CES1: variants seen among roughly 807,000 people sequenced by gnomAD.
CES1 encodes carboxylesterase 1, also known as liver carboxylesterase 1.
In CES1, 50 loss-of-function variants were observed where a neutral mutation model predicts 53.0. That is an observed-to-expected ratio of 0.94 (90% CI 0.75 to 1.19). CES1 has a LOEUF of 1.19. CES1 is among the 50% of genes most tolerant of loss of function. The pLI is 0.00. For synonymous variants in CES1, 202 were observed against 210.1 expected (o/e 0.96, Z 0.33); for missense variants, 534 against 538.0 (o/e 0.99, Z 0.07).
rs1454708070 is a variant in CES1, at chr16:55,830,819, A to AAGGAAGGCAGGC, written c.53-1846_53-1845insGCCTGCCTTCCT. Among the ~76,000 whole-genome samples the AAGGAAGGCAGGC allele has an allele frequency of 5.0e-3, 630 of 127,162 alleles. 2 individuals are homozygous for AAGGAAGGCAGGC. The highest frequency in any genetic ancestry group is 0.013 in the East Asian group (55 of 4,196). 83.4% of individuals were successfully genotyped at this position (127,162 alleles called of 152,430 possible). ...GAAGGAAGGAAGGAAGGAAGGAAGG[A>AAGGAAGGCAGGC]AGGCAGGCAGGCAGGCAGGCAGGCA... is the stretch of plus-strand genomic sequence containing the variant. On this transcript the variant is annotated intron_variant, in intron 1 of 13. Coordinates refer to ENST00000360526, the MANE Select transcript of CES1 (RefSeq NM_001025195.2).
chr16:55,811,092 T>A, intron 9 of CES1, 82 bp from the exon 10 acceptor site: 1 of 1,174,314 alleles, frequency 8.5e-7, no homozygotes, highest in Non-Finnish European at 1.3e-6. Flanking sequence ...ACCAAACCAA[T>A]GCAGTCTGAA....
rs1471364665 is a variant in CES1, at chr16:55,812,465, T to G, written c.1086+438A>C. The G allele has an allele frequency of 3.6e-5, 9 of 252,480 alleles. No homozygotes were observed. The East Asian group carries it at 7.8e-4, about 22-fold the overall frequency. The allele number at this position is 252,480 out of a possible 1,614,324, so 15.6% of individuals were successfully genotyped here. On this transcript the variant is annotated intron_variant, in intron 9 of 13. Transcript: ENST00000360526. ...AATGGTAACTCAAGAAGAAGCCACT[T>G]TCTTTGGATATTTTCAATGAGGTGA...
intron 9 of CES1, 80 bp downstream of exon 9, chr16:55,812,823 G>A: frequency 6.3e-7 from 1 of 1,587,550 alleles, no homozygotes; most frequent in Admixed American, 1.7e-5. Context: ...GCAGCTCGGA[G>A]AGGGAAGCAT....
chr16:55,820,283 C>G (rs550484529), intron 6 of CES1, 89 bp downstream of exon 6: 3 of 843,956 alleles, frequency 3.6e-6, no homozygotes, highest in Admixed American at 2.1e-5. Flanking sequence ...TAGCTACAAC[C>G]GACCACAAGA....
chr16:55,826,206 C>G lies in CES1; in HGVS notation c.350G>C (p.Cys117Ser), dbSNP rs774503068. Reference protein sequence around the residue: ...ENIPLKLSEDCLYLNIYTPAD... With the variant: ...ENIPLKLSEDSLYLNIYTPAD... ...AGGAGTGTAAATATTGAGGTAAAGA[C>G]AGTCTTCAGAAAGCTTGAGAGGAAT... Residue 117 changes from cysteine to serine, a missense_variant, in exon 3 of 14, where the codon TGT (cysteine) becomes TCT (serine). Physicochemically the swap from Cys to Ser is moderately radical, Grantham distance 112 (BLOSUM62 -1). This residue lies in a region of CES1 where 164 missense variants were observed against 162.4 expected (regional missense o/e 1.01). Transcript: ENST00000360526. 3 of 1,613,962 alleles carry G rather than the reference C, an allele frequency of 1.9e-6. No homozygotes were observed. The highest frequency in any genetic ancestry group is 2.5e-6 in the Non-Finnish European group (3 of 1,179,866).
At chr16:55,811,200 G>A (rs2031681257) in intron 9 of CES1, among the ~76,000 whole-genome samples, 190 bp from the exon 10 acceptor site, 1 of 127,460 alleles carries the variant, frequency 7.8e-6, no homozygotes, top group African/African-American at 2.9e-5. Context: ...CTCAAGCATT[G>A]CAAAGTTTAC....
chr16:55,821,347 C>G (rs750285912), intron 5 of CES1, 21 bp downstream of exon 5: 1 of 1,614,134 alleles, frequency 6.2e-7, no homozygotes, highest in South Asian at 1.1e-5. Flanking sequence ...TGGGGTTGGG[C>G]CTGGTGACAG....
chr16:55,817,011 C>T lies in CES1; in HGVS notation c.907-49G>A, dbSNP rs376725431. On this transcript the variant is annotated intron_variant, in intron 7 of 13. Coordinates refer to ENST00000360526, the MANE Select transcript of CES1 (RefSeq NM_001025195.2). Reference sequence around the variant, plus strand: ...GTGGGTGAGAGGCTTACCAGGAGAACACTGAGCTGGGTGAGTGGGGCAACA... The same window carrying T: ...GTGGGTGAGAGGCTTACCAGGAGAATACTGAGCTGGGTGAGTGGGGCAACA... 6 of 1,606,790 alleles carry T rather than the reference C, an allele frequency of 3.7e-6. 1 individual carries two copies. The highest frequency in any genetic ancestry group is 2.2e-5 in the East Asian group (1 of 44,880).
intron 7 of CES1, among the ~76,000 whole-genome samples, chr16:55,818,137 G>T (rs184978625): frequency 4.8e-4 from 73 of 152,306 alleles, no homozygotes; most frequent in Admixed American, 1.2e-3. Flanking sequence ...TCCAAGGAGA[G>T]AGTCCAGGCT....
intron 1 of CES1, among the ~76,000 whole-genome samples, chr16:55,830,805 G>GGAAGGAAA (rs2032621697): frequency 6.7e-6 from 1 of 149,444 alleles, no homozygotes; most frequent in South Asian, 2.1e-4. Context: ...AAGGAAGGAA[G>GGAAGGAAA]GAAGGAAGGA....
At chr16:55,821,313 G>C (rs1263619217) in intron 5 of CES1, 55 bp downstream of exon 5, 7 of 1,607,216 alleles carry the variant, frequency 4.4e-6, no homozygotes, top group Non-Finnish European at 6.0e-6. Context: ...TGTCCAAGAG[G>C]TCTCATCAGC....
intron 1 of CES1, among the ~76,000 whole-genome samples, chr16:55,831,185 C>G (rs1393661278): frequency 7.9e-5 from 12 of 152,130 alleles, no homozygotes; most frequent in Admixed American, 3.9e-4. Context: ...ACACAGGGAC[C>G]ACTACGGCCA....
chr16:55,822,473 C>T (rs2032238353), intron 4 of CES1, among the ~76,000 whole-genome samples: 1 of 152,140 alleles, frequency 6.6e-6, no homozygotes. Context: ...GAGGATGTGG[C>T]AGCAGAAGCT....
chr16:55,821,531 A>G lies in CES1; in HGVS notation c.540-10T>C. 6.2e-7 allele frequency: 1 copy of G among 1,614,124 alleles called. No homozygotes were observed. Among genetic ancestry groups the G allele is most frequent in the Non-Finnish European group, 8.5e-7 (1 of 1,179,974 alleles). On this transcript the variant is annotated splice_polypyrimidine_tract_variant and intron_variant, in intron 4 of 13. Coordinates refer to ENST00000360526, the MANE Select transcript of CES1 (RefSeq NM_001025195.2). ...GTGTTCATCCCCTGTGCTGTGAGGA[A>G]GAGAACAGGTTGAGGGTGGGGAGCA...
intron 9 of CES1, among the ~76,000 whole-genome samples, chr16:55,811,406 C>A (rs1311337837): frequency 6.6e-6 from 1 of 151,994 alleles, no homozygotes; most frequent in African/African-American, 2.4e-5. Flanking sequence ...TCCCTAGTAC[C>A]CCCACCTGTC....
intron 9 of CES1, among the ~76,000 whole-genome samples, chr16:55,811,659 T>A (rs556748072): frequency 4.3e-4 from 66 of 152,266 alleles, no homozygotes; most frequent in African/African-American, 1.5e-3. Flanking sequence ...CCAGGACAAT[T>A]TACTCTGCTC....
intron 1 of CES1, among the ~76,000 whole-genome samples, chr16:55,830,566 G>T (rs1486468196): frequency 7.2e-5 from 11 of 152,168 alleles, no homozygotes; most frequent in South Asian, 2.1e-4. Flanking sequence ...ACTTTGGGAG[G>T]CCAAGGCAGG....
chr16:55,824,598 A>G (rs1287854158), intron 3 of CES1, among the ~76,000 whole-genome samples: 1 of 152,222 alleles, frequency 6.6e-6, no homozygotes, highest in Non-Finnish European at 1.5e-5. Flanking sequence ...TAGCAGCAGG[A>G]CTTTAACCCA....
At chr16:55,816,866 T>C (rs375970897) in intron 8 of CES1, 58 bp downstream of exon 8, 6 of 1,544,330 alleles carry the variant, frequency 3.9e-6, no homozygotes, top group African/African-American at 1.4e-5. Flanking sequence ...TCACAGTTAA[T>C]TGGAGCTTAA....
Sources: allele counts gnomAD v4.1 joint callset (sites outside exome capture counted in the v4.1 genomes callset), GRCh38; gene constraint gnomAD v4.1.1; regional missense constraint gnomAD v4.1.1; transcripts MANE v1.5; gene names NCBI Gene and HGNC (gene_info 2026-07-23, HGNC 2026-07-21).